DDX59: variants seen among roughly 807,000 people sequenced by gnomAD.
DDX59 encodes DEAD-box helicase 59, also known as probable ATP-dependent RNA helicase DDX59.
A neutral mutation model predicts 51.9 loss-of-function variants in DDX59; 30 were observed. The observed-to-expected ratio is 0.58, with a 90% confidence interval of 0.43 to 0.78. The LOEUF is 0.78. Ranked by LOEUF, DDX59 falls within the 30% of genes least tolerant of loss-of-function variation. DDX59 has a pLI of 0.00. For missense variants in DDX59, 672 were observed against 730.8 expected (o/e 0.92, Z 0.93); for synonymous variants, 255 against 253.3 (o/e 1.01, Z -0.06).
At chr1:200,653,263 G>T (rs1661786506) in intron 4 of DDX59, among the ~76,000 whole-genome samples, 2 of 152,122 alleles carry the variant, frequency 1.3e-5, no homozygotes, top group Admixed American at 6.5e-5. Context: ...GTTCCAACAG[G>T]CCCCTCAAAT....
rs186283939 is a variant in DDX59 at position 200,649,904 on chromosome 1, G to A, written c.1314+521C>T. ...GTCACCCAGGCTGGAGTGCAGTGGC[G>A]CAATCTCAGCTCACTACAAGCCCTG... On this transcript the variant is annotated intron_variant, in intron 5 of 7. Coordinates refer to ENST00000331314, the MANE Select transcript of DDX59 (RefSeq NM_001031725.6). Among the ~76,000 whole-genome samples, 68 of 149,778 alleles carry A rather than the reference G, an allele frequency of 4.5e-4. 2 individuals are homozygous for A. Among genetic ancestry groups the A allele is most frequent in the African/African-American group, 1.6e-3 (64 of 40,700 alleles).
At chr1:200,665,788 T>A in intron 2 of DDX59, 149 bp downstream of exon 2, 1 of 763,214 alleles carries the variant, frequency 1.3e-6, no homozygotes, top group Non-Finnish European at 2.0e-6. Context: ...CAAACTACTA[T>A]CAGAAGCAAA....
At chr1:200,667,948 T>C (rs1006077034) in intron 1 of DDX59, among the ~76,000 whole-genome samples, 2 of 151,590 alleles carry the variant, frequency 1.3e-5, no homozygotes, top group African/African-American at 2.4e-5. Context: ...TGAAAAAACG[T>C]GTGTGTGTGT....
At position 200,666,224 on chromosome 1, in the gene DDX59, A is replaced by G. The variant is rs1662729406; in HGVS notation, c.517T>C (p.Phe173Leu). 1.2e-6 allele frequency: 2 copies of G among 1,614,208 alleles called. No individual in the cohort carries two copies. The highest frequency in any genetic ancestry group is 4.5e-5 in the East Asian group (2 of 44,890). The change falls in exon 2 of 8, where the codon TTT becomes CTT. Residue 173 changes from phenylalanine to leucine, a missense_variant. By Grantham distance (22) the Phe-to-Leu change is conservative. Transcript: ENST00000331314. ...TGGTCTTCCTGAAGGTTCAAAATAA[A>G]GGGGTGCTCTTTGTAGACATAGGAA... is the stretch of plus-strand genomic sequence containing the variant. ...NASYVYKEHPFILNLQEDQIE... is the reference protein window; with the variant it reads ...NASYVYKEHPLILNLQEDQIE...
chr1:200,651,889 T>A (rs1661684408), intron 4 of DDX59, among the ~76,000 whole-genome samples: 1 of 151,716 alleles, frequency 6.6e-6, no homozygotes, highest in South Asian at 2.1e-4. Context: ...GTGCCTATAG[T>A]TCCAGCTACT....
intron 4 of DDX59, chr1:200,654,655 G>T (rs577773127): frequency 6.6e-6 from 1 of 152,520 alleles, no homozygotes; most frequent in African/African-American, 2.4e-5. Context: ...AATCTGACAG[G>T]GGGAGTGAGG....
downstream of DDX59, chr1:200,641,156 G>C: frequency 1.5e-6 from 2 of 1,303,756 alleles, no homozygotes; most frequent in Non-Finnish European, 2.0e-6. Context: ...TGTTTATGGA[G>C]TAAACTTCAT....
Position 200,659,025 on chromosome 1 carries a change from A to C in DDX59, c.1062+2T>G. 6.2e-7 allele frequency: 1 copy of C among 1,605,644 alleles called. No homozygotes were observed. The highest frequency in any genetic ancestry group is 8.5e-7 in the Non-Finnish European group (1 of 1,175,140). On this transcript the variant is annotated splice_donor_variant, in intron 4 of 7. Coordinates refer to ENST00000331314, the MANE Select transcript of DDX59 (RefSeq NM_001031725.6). LOFTEE classifies it high-confidence loss of function. The stretch of plus-strand genomic sequence containing the variant: ...AACTGTTTTTTAAATACCACTACTT[A>C]CTTCATCTACTACCACAATCTTTAC...
intron 1 of DDX59, among the ~76,000 whole-genome samples, chr1:200,668,415 C>T (rs11580174): frequency 0.12 from 18,034 of 152,076 alleles, 1,558 homozygotes; most frequent in East Asian, 0.41. Flanking sequence ...CTCAACCATA[C>T]GAGGACTAAG....
At chr1:200,662,646 A>G (rs1353299472) in intron 3 of DDX59, among the ~76,000 whole-genome samples, 1 of 152,214 alleles carries the variant, frequency 6.6e-6, no homozygotes, top group Non-Finnish European at 1.5e-5. Flanking sequence ...ACTAGAGACT[A>G]ACACCAATAC....
chr1:200,651,632 A>T (rs1315218712), intron 4 of DDX59, among the ~76,000 whole-genome samples: 1 of 152,236 alleles, frequency 6.6e-6, no homozygotes, highest in African/African-American at 2.4e-5. Flanking sequence ...GTGGACTAAG[A>T]CAGGGGCTTT....
intron 4 of DDX59, among the ~76,000 whole-genome samples, chr1:200,654,183 G>A (rs1236935080): frequency 1.3e-5 from 2 of 152,112 alleles, no homozygotes; most frequent in Non-Finnish European, 2.9e-5. Flanking sequence ...GGAGGCCGAG[G>A]CGGGCGGATC....
intron 1 of DDX59, among the ~76,000 whole-genome samples, chr1:200,668,069 C>T (rs796540386): frequency 2.0e-5 from 3 of 151,920 alleles, no homozygotes; most frequent in East Asian, 1.9e-4. Flanking sequence ...GAGGCCGAGG[C>T]GGGCGGATCA....
At chr1:200,668,658 TG>T (rs1662946864) in intron 1 of DDX59, among the ~76,000 whole-genome samples, 1 of 152,218 alleles carries the variant, frequency 6.6e-6, no homozygotes. Flanking sequence ...AATCTGCATT[TG>T]GTGAGAATTC....
chr1:200,641,299 G>A (rs1191095903), downstream of DDX59: 2 of 1,094,060 alleles, frequency 1.8e-6, no homozygotes, highest in South Asian at 2.7e-5. Context: ...AAATATGACA[G>A]GTCGTGGATC....
rs771570708 is a variant in DDX59, at chr1:200,649,182, G to A, written c.1359C>T (p.Cys453=). ...CACTCAAAAGATCTGCTCCTAGTTT[G>A]CAGTCCACAAATACTAACACTGGAG... ...FKPPVLVFVD[C]KLGADLLSEA... The change falls in exon 6 of 8, where the codon TGC becomes TGT. Residue 453 remains cysteine, a synonymous_variant. Coordinates refer to ENST00000331314, the MANE Select transcript of DDX59 (RefSeq NM_001031725.6). The A allele has an allele frequency of 1.3e-6, 2 of 1,596,326 alleles. No individual in the cohort carries two copies. Among genetic ancestry groups the A allele is most frequent in the Non-Finnish European group, 1.7e-6 (2 of 1,174,478 alleles).
chr1:200,657,920 GA>G (rs370357055), intron 4 of DDX59, among the ~76,000 whole-genome samples: 11 of 147,624 alleles, frequency 7.5e-5, no homozygotes, highest in African/African-American at 2.2e-4. Context: ...ACTGTCTCAA[GA>G]AAAAAAAAAG....
chr1:200,652,088 G>C (rs561662485), intron 4 of DDX59, among the ~76,000 whole-genome samples: 1 of 151,970 alleles, frequency 6.6e-6, no homozygotes, highest in East Asian at 1.9e-4. Flanking sequence ...GGAACAATGA[G>C]GTATTTAATT....
Position 200,650,557 on chromosome 1 carries a change from T to C in DDX59, c.1182A>G (p.Leu394=). 6.2e-7 allele frequency: 1 copy of C among 1,614,138 alleles called. No individual in the cohort carries two copies. Among genetic ancestry groups the C allele is most frequent in the Non-Finnish European group, 8.5e-7 (1 of 1,180,004 alleles). The change falls in exon 5 of 8, where the codon CTA becomes CTG. Residue 394 remains leucine (L), a synonymous_variant. Transcript: ENST00000331314. ...CAGGATTATGCAGAAGCTGGCTTGC[T>C]AGCTGTTCTATGCTAGTTGGAATTG... The part of the protein sequence containing the change: ...SATIPTSIEQ[L]ASQLLHNPVR...
Sources: allele counts gnomAD v4.1 joint callset (sites outside exome capture counted in the v4.1 genomes callset), GRCh38; gene constraint gnomAD v4.1.1; transcripts MANE v1.5; gene names NCBI Gene and HGNC (gene_info 2026-07-23, HGNC 2026-07-21).